Variants in PRKCA observed in about 807,000 individuals in gnomAD.
PRKCA encodes protein kinase C alpha, also known as protein kinase C alpha type.
A neutral mutation model predicts 87.0 loss-of-function variants in PRKCA; 27 were observed. That is an observed-to-expected ratio of 0.31 (90% confidence interval 0.23 to 0.43). PRKCA has a LOEUF of 0.43. Among genes scored for constraint, PRKCA ranks in the 20% least tolerant of loss-of-function variants. PRKCA has a pLI of 1.00. For missense variants in PRKCA, 518 were observed against 852.3 expected, an observed-to-expected ratio of 0.61 and a Z score of 4.88; for synonymous variants, 329 against 311.1, an observed-to-expected ratio of 1.06 and a Z score of -0.61.
chr17:66,405,892 TC>T (rs527970663), intron 2 of PRKCA, among the ~76,000 whole-genome samples: 12 of 152,310 alleles, frequency 7.9e-5, no homozygotes, highest in Admixed American at 7.8e-4. Context: ...GTGGCTGTGT[TC>T]CTATTAGTGG....
rs71160581 is a variant in PRKCA at position 66,592,343 on chromosome 17, C to CAA, written c.289-48995_289-48994dup. 9.7e-5 allele frequency among the ~76,000 whole-genome samples: 8 copies of CAA among 82,378 alleles called. 1 individual carries two copies. Among genetic ancestry groups the CAA allele is most frequent in the Non-Finnish European group, 8.8e-5 (4 of 45,630 alleles). 54.0% of individuals were successfully genotyped at this position (82,378 alleles called of 152,430 possible). On this transcript the variant is annotated intron_variant, in intron 3 of 16. Transcript: ENST00000413366. The stretch of plus-strand genomic sequence containing the variant: ...GCACTCCAGTCTGGGTGATCCGTCT[C>CAA]AAAAAAAAAAAAAAAAAAGTTACCA...
At chr17:66,578,861 C>T (rs893093779) in intron 3 of PRKCA, among the ~76,000 whole-genome samples, 1 of 152,224 alleles carries the variant, frequency 6.6e-6, no homozygotes, top group Non-Finnish European at 1.5e-5. Flanking sequence ...GGATCACGTC[C>T]CCATGCCGAC....
intron 5 of PRKCA, among the ~76,000 whole-genome samples, chr17:66,681,534 GACTT>G (rs1598869709): frequency 6.6e-6 from 1 of 152,164 alleles, no homozygotes; most frequent in East Asian, 1.9e-4. Context: ...AAGTATATAA[GACTT>G]ACTTTGTCCT....
At chr17:66,362,933 A>G (rs1173289466) in intron 2 of PRKCA, among the ~76,000 whole-genome samples, 1 of 152,040 alleles carries the variant, frequency 6.6e-6, no homozygotes, top group African/African-American at 2.4e-5. Context: ...GCCTCAGGGG[A>G]TCCACCCGCC....
chr17:66,794,037 T>C (rs1216051838), intron 16 of PRKCA, among the ~76,000 whole-genome samples: 1 of 152,208 alleles, frequency 6.6e-6, no homozygotes, highest in Non-Finnish European at 1.5e-5. Context: ...GTTCTAGCCG[T>C]TGGCACCAAG....
chr17:66,403,952 A>G (rs1285768803), intron 2 of PRKCA: 1 of 152,242 alleles, frequency 6.6e-6, no homozygotes, highest in Admixed American at 6.5e-5. Context: ...TTCAAATAGT[A>G]AATGAGACAT....
intron 3 of PRKCA, among the ~76,000 whole-genome samples, chr17:66,514,054 A>T (rs540989956): frequency 3.9e-5 from 6 of 152,274 alleles, no homozygotes; most frequent in African/African-American, 1.4e-4. Flanking sequence ...CATTCACATA[A>T]CTTTTATTAC....
intron 14 of PRKCA, among the ~76,000 whole-genome samples, chr17:66,776,631 G>A (rs528826739): frequency 2.7e-4 from 41 of 152,212 alleles, no homozygotes; most frequent in Admixed American, 5.2e-4. Flanking sequence ...AGAGAGGAAT[G>A]AAAGTTCATG....
intron 8 of PRKCA, among the ~76,000 whole-genome samples, chr17:66,710,935 C>T (rs531656136): frequency 1.3e-3 from 204 of 151,938 alleles, no homozygotes; most frequent in South Asian, 4.2e-3. Flanking sequence ...CCCAGCTACT[C>T]GGGAGGCTGA....
intron 2 of PRKCA, among the ~76,000 whole-genome samples, chr17:66,465,537 A>C (rs2143987807): frequency 6.6e-6 from 1 of 151,556 alleles, no homozygotes; most frequent in Non-Finnish European, 1.5e-5. Flanking sequence ...GACTAAAGGC[A>C]TGTGCCACCA....
At chr17:66,493,004 C>T (rs545307822) in intron 2 of PRKCA, among the ~76,000 whole-genome samples, 14 of 151,674 alleles carry the variant, frequency 9.2e-5, no homozygotes, top group African/African-American at 3.4e-4. Context: ...GGGATGCTTG[C>T]TTTAAGAGCT....
rs139710618 is a variant in PRKCA at position 66,584,058 on chromosome 17, A to G, written c.289-57297A>G. On this transcript the variant is annotated intron_variant, in intron 3 of 16. Transcript: ENST00000413366. ...ATCATCACGTTGGGACACAAATCCGAGTCCTGTCTGTCCTTTGCATTCTTC... is the reference window on the plus strand; with the variant it reads ...ATCATCACGTTGGGACACAAATCCGGGTCCTGTCTGTCCTTTGCATTCTTC... 1.6e-4 allele frequency among the ~76,000 whole-genome samples: 24 copies of G among 152,240 alleles called. No homozygotes were observed. The East Asian group carries it at 4.2e-3, about 27-fold the overall frequency.
intron 2 of PRKCA, among the ~76,000 whole-genome samples, chr17:66,313,468 C>T (rs1415430975): frequency 6.6e-6 from 1 of 152,048 alleles, no homozygotes; most frequent in Non-Finnish European, 1.5e-5. Flanking sequence ...AGAAATAAAC[C>T]ACTTAATGTG....
At chr17:66,615,222 A>T (rs1970484093) in intron 3 of PRKCA, among the ~76,000 whole-genome samples, 1 of 152,012 alleles carries the variant, frequency 6.6e-6, no homozygotes, top group Non-Finnish European at 1.5e-5. Context: ...CTAATATCTC[A>T]TTTGTTCAGT....
chr17:66,572,293 C>T (rs1254061378), intron 3 of PRKCA, among the ~76,000 whole-genome samples: 2 of 152,028 alleles, frequency 1.3e-5, no homozygotes, highest in African/African-American at 4.8e-5. Context: ...ATGGCAAAAC[C>T]CCATCTCTAC....
intron 3 of PRKCA, among the ~76,000 whole-genome samples, chr17:66,571,530 T>A (rs1393632275): frequency 1.3e-5 from 2 of 152,184 alleles, no homozygotes; most frequent in African/African-American, 4.8e-5. Context: ...GGTGGAACCT[T>A]TAGTCAAATT....
chr17:66,732,947 C>G (rs1973939180), intron 9 of PRKCA, 122 bp downstream of exon 9: 2 of 1,238,040 alleles, frequency 1.6e-6, no homozygotes, highest in East Asian at 4.8e-5. Flanking sequence ...GTCAGGAGAT[C>G]AAGACCATCC....
At chr17:66,312,529 C>G (rs889841353) in intron 2 of PRKCA, among the ~76,000 whole-genome samples, 1 of 152,136 alleles carries the variant, frequency 6.6e-6, no homozygotes, top group South Asian at 2.1e-4. Context: ...CTGACCTCTT[C>G]AGACTTACCT....
chr17:66,735,350 A>G, intron 9 of PRKCA, 139 bp from the exon 10 acceptor site: 1 of 887,076 alleles, frequency 1.1e-6, no homozygotes, highest in Admixed American at 2.4e-5. Flanking sequence ...AAATTTGCAC[A>G]TAAAGTTTAA....
Sources: gnomAD v4.1 joint callset for allele counts (sites outside exome capture counted in the v4.1 genomes callset) on GRCh38, gnomAD v4.1.1 for gene constraint, MANE v1.5 for transcripts, NCBI Gene and HGNC (gene_info 2026-07-23, HGNC 2026-07-21) for gene names.